The following CTNNA3 variants were observed in gnomAD, a reference collection of about 807,000 sequenced individuals.
The protein encoded by CTNNA3 is catenin alpha 3.
A neutral mutation model predicts 95.7 loss-of-function variants in CTNNA3; 76 were observed. The observed-to-expected ratio is 0.79, with a 90% CI of 0.66 to 0.96. CTNNA3 has a LOEUF of 0.96. CTNNA3 is among the 40% of genes least tolerant of loss of function. The probability of loss-of-function intolerance (pLI) is 0.00; values close to 1 mark genes in which losing one functional copy is unlikely to be tolerated. For missense variants in CTNNA3, 1,191 were observed against 1,089.8 expected, an observed-to-expected ratio of 1.09 and a Z score of -1.31; for synonymous variants, 431 against 374.4, an observed-to-expected ratio of 1.15 and a Z score of -1.74.
At chr10:66,154,227 T>C (rs1272135508) in intron 13 of CTNNA3, among the ~76,000 whole-genome samples, 1 of 151,868 alleles carries the variant, frequency 6.6e-6, no homozygotes, top group Non-Finnish European at 1.5e-5. Context: ...CTCTTTTATT[T>C]ATAATCCAGC....
intron 10 of CTNNA3, among the ~76,000 whole-genome samples, chr10:66,573,875 T>C (rs1306843684): frequency 6.6e-6 from 1 of 152,134 alleles, no homozygotes; most frequent in Admixed American, 6.6e-5. Flanking sequence ...CTATCAGCAA[T>C]GTGCAGAGAA....
intron 12 of CTNNA3, among the ~76,000 whole-genome samples, chr10:66,327,927 A>G (rs2132307858): frequency 6.6e-6 from 1 of 152,236 alleles, no homozygotes; most frequent in Non-Finnish European, 1.5e-5. Context: ...ATTTTATGAG[A>G]GAAATACCAG....
At chr10:66,849,674 G>A (rs528896089) in intron 7 of CTNNA3, among the ~76,000 whole-genome samples, 2 of 152,162 alleles carry the variant, frequency 1.3e-5, no homozygotes, top group South Asian at 2.1e-4. Context: ...AGGCAGAGCC[G>A]GAAGCCACCA....
intron 1 of CTNNA3, among the ~76,000 whole-genome samples, chr10:67,712,688 G>A (rs920399311): frequency 3.3e-5 from 5 of 152,206 alleles, no homozygotes; most frequent in African/African-American, 1.2e-4. Flanking sequence ...ATGGGGAAAC[G>A]ATTCCCTATT....
chr10:67,179,724 G>A (rs1301663221), intron 7 of CTNNA3, among the ~76,000 whole-genome samples: 7 of 152,156 alleles, frequency 4.6e-5, no homozygotes, highest in African/African-American at 1.4e-4. Flanking sequence ...CTACTTGGGA[G>A]GCTGAGGTAG....
intron 5 of CTNNA3, among the ~76,000 whole-genome samples, chr10:67,387,492 C>T (rs560697148): frequency 6.6e-6 from 1 of 152,306 alleles, no homozygotes; most frequent in South Asian, 2.1e-4. Context: ...GAGGGGCGCC[C>T]ACCATAGCCC....
intron 7 of CTNNA3, among the ~76,000 whole-genome samples, chr10:66,860,640 G>A (rs539926258): frequency 6.6e-6 from 1 of 152,186 alleles, no homozygotes; most frequent in East Asian, 1.9e-4. Flanking sequence ...CTTTTTATGA[G>A]TATCTATGCC....
chr10:67,726,373 AT>A (rs1301224424), intron 1 of CTNNA3, among the ~76,000 whole-genome samples: 2 of 82,154 alleles, frequency 2.4e-5, no homozygotes, highest in East Asian at 9.7e-4. Flanking sequence ...AATATATGAT[AT>A]TATATATGAA....
At chr10:67,353,577 G>T (rs988321796) in intron 5 of CTNNA3, among the ~76,000 whole-genome samples, 2 of 151,908 alleles carry the variant, frequency 1.3e-5, no homozygotes, top group African/African-American at 4.8e-5. Flanking sequence ...TTCAACAACT[G>T]AGAATTGTTA....
intron 9 of CTNNA3, among the ~76,000 whole-genome samples, chr10:66,748,764 C>G (rs139780045): frequency 0.011 from 1,729 of 152,030 alleles, 30 homozygotes; most frequent in African/African-American, 0.038. Context: ...ACACCCCTGT[C>G]CTCACACACA....
chr10:66,015,375 G>C (rs2079075264), intron 15 of CTNNA3, among the ~76,000 whole-genome samples: 1 of 152,054 alleles, frequency 6.6e-6, no homozygotes, highest in Admixed American at 6.5e-5. Context: ...ACATGACCTA[G>C]GAGTGACAAA....
chr10:67,039,394 A>G (rs1341951414), intron 7 of CTNNA3, among the ~76,000 whole-genome samples: 1 of 152,174 alleles, frequency 6.6e-6, no homozygotes, highest in Non-Finnish European at 1.5e-5. Context: ...GAAAAAGCCT[A>G]GTATTAGAAA....
At chr10:65,955,998 G>C (rs980919143) in intron 17 of CTNNA3, among the ~76,000 whole-genome samples, 1 of 152,134 alleles carries the variant, frequency 6.6e-6, no homozygotes, top group Non-Finnish European at 1.5e-5. Flanking sequence ...GGAGAATTTG[G>C]CTGTGAATCC....
chr10:67,007,856 T>C (rs1017369737), intron 7 of CTNNA3, among the ~76,000 whole-genome samples: 1 of 152,084 alleles, frequency 6.6e-6, no homozygotes, highest in Non-Finnish European at 1.5e-5. Flanking sequence ...TTATTTCAGA[T>C]ATTTTGATAA....
At chr10:67,513,025 AAG>A (rs1838902985) in intron 5 of CTNNA3, among the ~76,000 whole-genome samples, 1 of 152,218 alleles carries the variant, frequency 6.6e-6, no homozygotes, top group African/African-American at 2.4e-5. Flanking sequence ...CATTTTTAAA[AAG>A]GCACTACTGA....
chr10:66,411,745 C>A (rs1589213980), intron 11 of CTNNA3, among the ~76,000 whole-genome samples: 1 of 152,032 alleles, frequency 6.6e-6, no homozygotes, highest in Non-Finnish European at 1.5e-5. Flanking sequence ...TAACTAACAA[C>A]AAACATGGTG....
intron 11 of CTNNA3, among the ~76,000 whole-genome samples, chr10:66,431,862 C>A (rs537392084): frequency 6.6e-6 from 1 of 151,564 alleles, no homozygotes; most frequent in Admixed American, 6.6e-5. Flanking sequence ...CAAACCTGCA[C>A]GTTGTGCACA....
intron 12 of CTNNA3, among the ~76,000 whole-genome samples, chr10:66,340,333 T>G (rs2092440768): frequency 6.6e-6 from 1 of 151,810 alleles, no homozygotes; most frequent in Non-Finnish European, 1.5e-5. Flanking sequence ...GAGATAAAAA[T>G]TGAGAATCAG....
At chr10:67,546,195 A>T (rs1427468988) in intron 3 of CTNNA3, among the ~76,000 whole-genome samples, 1 of 152,068 alleles carries the variant, frequency 6.6e-6, no homozygotes, top group African/African-American at 2.4e-5. Context: ...GTACAGGGGT[A>T]ATCTTAGCTC....
Sources: allele counts gnomAD v4.1 joint callset (sites outside exome capture counted in the v4.1 genomes callset), GRCh38; gene constraint gnomAD v4.1.1; transcripts MANE v1.5; gene names NCBI Gene and HGNC (gene_info 2026-07-23, HGNC 2026-07-21).